NSD3: variants seen among roughly 807,000 people sequenced by gnomAD.
NSD3 encodes nuclear receptor binding SET domain protein 3.
A neutral mutation model predicts 160.8 loss-of-function variants in NSD3; 24 were observed. The observed-to-expected ratio is 0.15, with a 90% CI of 0.11 to 0.21. The LOEUF (loss-of-function observed/expected upper bound fraction) is 0.21, where lower values mean the gene tolerates loss of function less well. NSD3 is among the 10% of genes least tolerant of loss of function. NSD3 has a pLI of 1.00. For missense variants in NSD3, 1,157 were observed against 1,735.9 expected, an observed-to-expected ratio of 0.67 and a Z score of 5.93; for synonymous variants, 520 against 600.0, an observed-to-expected ratio of 0.87 and a Z score of 1.95.
rs182307016 is a variant in NSD3, at chr8:38,328,200, A to G, written c.1581+1178T>C. 2.3e-3 allele frequency among the ~76,000 whole-genome samples: 356 copies of G among 152,300 alleles called. 1 individual carries two copies. Among genetic ancestry groups the G allele is most frequent in the Non-Finnish European group, 4.4e-3 (301 of 68,026 alleles). ...ACCTCATCTCTTAAAAAGGAAAAAA[A>G]TAAATATAAATATATACATGCATAT... is the stretch of plus-strand genomic sequence containing the variant. On this transcript the variant is annotated intron_variant, in intron 6 of 23. Coordinates refer to ENST00000317025, the MANE Select transcript of NSD3 (RefSeq NM_023034.2).
rs1430530205 is a variant in NSD3, at chr8:38,316,035, G to A, written c.1863C>T (p.Ser621=). The change falls in exon 10 of 24, where the codon AGC becomes AGT. Residue 621 remains serine (S), a synonymous_variant. Coordinates refer to ENST00000317025, the MANE Select transcript of NSD3 (RefSeq NM_023034.2). The surrounding 1 kb of genome is among the most constrained non-coding windows in gnomAD (Gnocchi z 4.5). ...GAGGTTTACAGGAATCTGAAATCTCGCTGGCACCTTAATACAACACACTGA... is the reference window on the plus strand; with the variant it reads ...GAGGTTTACAGGAATCTGAAATCTCACTGGCACCTTAATACAACACACTGA... ...TVKTGLQKGA[S]EISDSCKPLK... is the part of the protein sequence containing the mutation. 5.0e-6 allele frequency: 8 copies of A among 1,612,306 alleles called. No individual in the cohort carries two copies. The highest frequency in any genetic ancestry group is 1.1e-5 in the South Asian group (1 of 90,994).
chr8:38,317,520 A>C lies in NSD3; in HGVS notation c.1855+1375T>G. 2 of 1,060,016 alleles carry C rather than the reference A, an allele frequency of 1.9e-6. No homozygotes were observed. The highest frequency in any genetic ancestry group is 2.3e-6 in the Non-Finnish European group (2 of 876,006). 65.7% of individuals were successfully genotyped at this position (1,060,016 alleles called of 1,614,324 possible). On this transcript the variant is annotated intron_variant, in intron 9 of 23. Coordinates refer to ENST00000317025, the MANE Select transcript of NSD3 (RefSeq NM_023034.2). The surrounding 1 kb of genome is among the most constrained non-coding windows in gnomAD (Gnocchi z 5.3). Reference sequence around the variant, plus strand: ...ATGCTAGAAAAATGACAGACTGCCAAAGACAGCTGTCATGCTGTTCTCCAT... The same window carrying C: ...ATGCTAGAAAAATGACAGACTGCCACAGACAGCTGTCATGCTGTTCTCCAT...
chr8:38,342,718 C>T (rs1445344481), intron 2 of NSD3, among the ~76,000 whole-genome samples: 1 of 151,906 alleles, frequency 6.6e-6, no homozygotes, highest in Admixed American at 6.6e-5. Context: ...CAGGCACGCG[C>T]CACCACGCCT....
At chr8:38,291,007 T>C (rs1219829637) in intron 16 of NSD3, among the ~76,000 whole-genome samples, 3 of 152,170 alleles carry the variant, frequency 2.0e-5, no homozygotes, top group South Asian at 2.1e-4. Context: ...AGAAAAGTCA[T>C]GTTTCCCCCC....
intron 14 of NSD3, among the ~76,000 whole-genome samples, chr8:38,302,837 GT>G (rs1233862372): frequency 1.3e-5 from 2 of 152,116 alleles, no homozygotes; most frequent in Admixed American, 1.3e-4. Flanking sequence ...GTCTTGCTAT[GT>G]TGCCCAAACT....
At chr8:38,378,967 TCCAGAAAC>T (rs1188375044) in intron 1 of NSD3, among the ~76,000 whole-genome samples, 1 of 152,132 alleles carries the variant, frequency 6.6e-6, no homozygotes, top group Non-Finnish European at 1.5e-5. Flanking sequence ...TATTATAAAT[TCCAGAAAC>T]GCTGTCATTA....
Position 38,274,444 on chromosome 8 carries a change from C to G in NSD3, c.*1197G>C, listed in dbSNP as rs192775397. 6.6e-6 allele frequency: 1 copy of G among 152,226 alleles called. No individual in the cohort carries two copies. Among genetic ancestry groups the G allele is most frequent in the East Asian group, 1.9e-4 (1 of 5,184 alleles). The allele number at this position is 152,226 out of a possible 1,614,324, so 9.4% of individuals were successfully genotyped here. A position where few individuals can be genotyped will look rare whatever the true frequency, so the allele number is the denominator to read the frequency against. ...CACCCTGTAAAAGTAGAAGTTCTTC[C>G]CCTTACTCAATGGGAGCAATCTTAA... On this transcript the variant is annotated 3_prime_UTR_variant, in exon 24 of 24. Coordinates refer to ENST00000317025, the MANE Select transcript of NSD3 (RefSeq NM_023034.2).
Position 38,272,268 on chromosome 8 carries a change from G to A in NSD3, c.*3373C>T, listed in dbSNP as rs1808499862. 1 of 152,206 alleles carries A rather than the reference G, an allele frequency of 6.6e-6. No individual in the cohort carries two copies. The highest frequency in any genetic ancestry group is 2.4e-5 in the African/African-American group (1 of 41,442). The allele number at this position is 152,206 out of a possible 1,614,324, so 9.4% of individuals were successfully genotyped here. A position where few individuals can be genotyped will look rare whatever the true frequency, so the allele number is the denominator to read the frequency against. On this transcript the variant is annotated 3_prime_UTR_variant, in exon 24 of 24. Transcript: ENST00000317025. Reference sequence around the variant, plus strand: ...GTACAGAAAATCCCAAATTTTAAATGATTCCCCAACTCAGCCAGTTCTATA... The same window carrying A: ...GTACAGAAAATCCCAAATTTTAAATAATTCCCCAACTCAGCCAGTTCTATA...
chr8:38,352,923 C>A (rs1254542920), intron 1 of NSD3, among the ~76,000 whole-genome samples: 16 of 152,162 alleles, frequency 1.1e-4, no homozygotes, highest in Admixed American at 1.0e-3. Flanking sequence ...TACTTTATTC[C>A]TTCGTCACTA....
intron 19 of NSD3, among the ~76,000 whole-genome samples, chr8:38,282,038 G>A (rs1808744560): frequency 6.6e-6 from 1 of 152,146 alleles, no homozygotes; most frequent in African/African-American, 2.4e-5. Context: ...AATAGTACAT[G>A]GGAAATCTTG....
chr8:38,360,820 C>T (rs1319515329), intron 1 of NSD3, among the ~76,000 whole-genome samples: 2 of 152,066 alleles, frequency 1.3e-5, no homozygotes, highest in African/African-American at 2.4e-5. Context: ...CACTTTCCTC[C>T]AAGACGTGAA....
chr8:38,284,221 C>G (rs1401538091), intron 19 of NSD3, among the ~76,000 whole-genome samples: 1 of 152,208 alleles, frequency 6.6e-6, no homozygotes, highest in Non-Finnish European at 1.5e-5. Flanking sequence ...GCACATTTTT[C>G]TATTATATAC....
chr8:38,326,665 A>G, intron 7 of NSD3, 65 bp downstream of exon 7: 1 of 1,444,708 alleles, frequency 6.9e-7, no homozygotes, highest in Admixed American at 2.4e-5. Context: ...CAGCTACCAC[A>G]TTATAGCAGA....
intron 23 of NSD3, among the ~76,000 whole-genome samples, 171 bp downstream of exon 23, chr8:38,276,122 TGAG>T (rs1161324118): frequency 2.0e-5 from 3 of 152,194 alleles, no homozygotes; most frequent in Admixed American, 6.5e-5. Flanking sequence ...AACCAATCCT[TGAG>T]GAACCACAAG....
chr8:38,305,744 G>T (rs1809377904), intron 12 of NSD3, among the ~76,000 whole-genome samples: 1 of 152,076 alleles, frequency 6.6e-6, no homozygotes, highest in African/African-American at 2.4e-5. Flanking sequence ...CAGCAGCAAA[G>T]TTTTCCCCAC....
At position 38,329,552 on chromosome 8, in the gene NSD3, G is replaced by A; in HGVS notation, c.1407C>T (p.Ala469=). Residue 469 remains alanine, a synonymous_variant, in exon 6 of 24, where the codon GCC becomes GCT. Coordinates refer to ENST00000317025, the MANE Select transcript of NSD3 (RefSeq NM_023034.2). The surrounding 1 kb of genome is among the most constrained non-coding windows in gnomAD (Gnocchi z 4.8). ...ATTTCCTTGCTGCCGCAGTTTTCCAGGCTATTTTAACAGGCGGTGGCTCTT... is the reference window on the plus strand; with the variant it reads ...ATTTCCTTGCTGCCGCAGTTTTCCAAGCTATTTTAACAGGCGGTGGCTCTT... ...EEEEPPPVKI[A]WKTAAARKSL... 1 of 1,614,232 alleles carries A rather than the reference G, an allele frequency of 6.2e-7. No individual in the cohort carries two copies. The highest frequency in any genetic ancestry group is 8.5e-7 in the Non-Finnish European group (1 of 1,180,048).
At chr8:38,306,535 G>C (rs1012862679) in intron 12 of NSD3, among the ~76,000 whole-genome samples, 2 of 152,022 alleles carry the variant, frequency 1.3e-5, no homozygotes, top group Non-Finnish European at 2.9e-5. Context: ...ACAAGTAAAA[G>C]ACAAACAGAT....
intron 10 of NSD3, 110 bp downstream of exon 10, chr8:38,315,802 T>C: frequency 6.9e-7 from 1 of 1,453,680 alleles, no homozygotes; most frequent in Non-Finnish European, 9.2e-7. Flanking sequence ...ATAAACAAAG[T>C]GATTTTTTTC....
intron 1 of NSD3, among the ~76,000 whole-genome samples, chr8:38,379,757 C>T (rs1033946782): frequency 6.6e-6 from 1 of 152,090 alleles, no homozygotes; most frequent in Non-Finnish European, 1.5e-5. Context: ...TGTTAACAGG[C>T]CTTCTTGGTA....
Sources: gnomAD v4.1 joint callset for allele counts (sites outside exome capture counted in the v4.1 genomes callset) on GRCh38, gnomAD v4.1.1 for gene constraint, Gnocchi (gnomAD v3.1) non-coding constraint, MANE v1.5 for transcripts, NCBI Gene and HGNC (gene_info 2026-07-23, HGNC 2026-07-21) for gene names.